PTPRG: variants seen among roughly 807,000 people sequenced by gnomAD.
PTPRG encodes the protein receptor-type tyrosine-protein phosphatase gamma.
PTPRG carries 102 observed loss-of-function variants against 165.3 expected under a neutral mutation model. The ratio of observed to expected loss-of-function variants is 0.62; its 90% CI spans 0.53 to 0.73. The LOEUF is 0.73. Among genes scored for constraint, PTPRG ranks in the 30% least tolerant of loss-of-function variants. PTPRG has a pLI of 0.00. For missense variants in PTPRG, 1,866 were observed against 1,861.4 expected (o/e 1.00, Z -0.05); for synonymous variants, 675 against 669.5 (o/e 1.01, Z -0.13).
chr3:62,106,118 A>G (rs1576009437), intron 5 of PTPRG, among the ~76,000 whole-genome samples: 1 of 152,212 alleles, frequency 6.6e-6, no homozygotes, highest in African/African-American at 2.4e-5. Flanking sequence ...TGTGTCTCCC[A>G]GATAAAACTT....
intron 2 of PTPRG, among the ~76,000 whole-genome samples, chr3:61,785,223 G>C (rs2034658460): frequency 6.6e-6 from 1 of 152,178 alleles, no homozygotes; most frequent in Middle Eastern, 3.2e-3. Flanking sequence ...CTCTTAGGGG[G>C]AGGACAATTC....
chr3:61,700,489 T>C (rs1183799821), intron 1 of PTPRG, among the ~76,000 whole-genome samples: 1 of 152,218 alleles, frequency 6.6e-6, no homozygotes, highest in Non-Finnish European at 1.5e-5. Context: ...TTAAAGGAAA[T>C]TTATAACTAA....
At chr3:61,802,024 CAAAA>C (rs112361163) in intron 2 of PTPRG, among the ~76,000 whole-genome samples, 1 of 112,858 alleles carries the variant, frequency 8.9e-6, no homozygotes, top group Non-Finnish European at 1.8e-5. Context: ...GACTCCATCT[CAAAA>C]AAAAAAAAAA....
chr3:61,604,161 T>A (rs1368808444), intron 1 of PTPRG, among the ~76,000 whole-genome samples: 2 of 152,148 alleles, frequency 1.3e-5, no homozygotes, highest in Non-Finnish European at 2.9e-5. Context: ...TTGTCTCTAC[T>A]AAAAATACAA....
intron 1 of PTPRG, among the ~76,000 whole-genome samples, chr3:61,740,368 T>C (rs1575623265): frequency 6.6e-6 from 1 of 152,200 alleles, no homozygotes; most frequent in East Asian, 1.9e-4. Flanking sequence ...ATGGTATTTT[T>C]CAGATTTTCA....
chr3:61,778,445 A>T (rs546464400), intron 2 of PTPRG, among the ~76,000 whole-genome samples: 8 of 152,264 alleles, frequency 5.3e-5, no homozygotes, highest in African/African-American at 1.9e-4. Context: ...TCAATTTTCC[A>T]TCTGCTATGC....
intron 2 of PTPRG, among the ~76,000 whole-genome samples, chr3:61,778,155 A>C (rs1300471856): frequency 6.6e-6 from 1 of 152,190 alleles, no homozygotes. Context: ...ATTGGACAAA[A>C]CGCTCAGAAA....
At position 61,658,164 on chromosome 3, in the gene PTPRG, G is replaced by A. The variant is rs778591563; in HGVS notation, c.86-90714G>A. ...GTCATTGTTCTGGCACATATTTGAC[G>A]GTTTGGTTGTCTTCAAGCTCAGGGG... On this transcript the variant is annotated intron_variant, in intron 1 of 29. Coordinates refer to ENST00000474889, the MANE Select transcript of PTPRG (RefSeq NM_002841.4). Among the ~76,000 whole-genome samples, 136 of 152,182 alleles carry A rather than the reference G, an allele frequency of 8.9e-4. 3 individuals carry two copies. The highest frequency in any genetic ancestry group is 4.4e-4 in the Non-Finnish European group (30 of 68,036).
At chr3:61,950,741 C>T (rs1188419841) in intron 2 of PTPRG, among the ~76,000 whole-genome samples, 2 of 152,144 alleles carry the variant, frequency 1.3e-5, no homozygotes, top group Admixed American at 6.5e-5. Flanking sequence ...AGTATTTTAC[C>T]ATGTTTATGC....
chr3:61,627,166 C>T (rs62244373), intron 1 of PTPRG, among the ~76,000 whole-genome samples: 14,530 of 151,708 alleles, frequency 0.096, 777 homozygotes, highest in Middle Eastern at 0.12. Context: ...GAATTATTGT[C>T]ACTTTTAAGT....
chr3:62,061,879 T>C (rs55750230), intron 4 of PTPRG, among the ~76,000 whole-genome samples: 99,749 of 151,328 alleles, frequency 0.66, 34,242 homozygotes, highest in South Asian at 0.86. Flanking sequence ...ATCTGCCTAC[T>C]TCGGCCTCCC....
chr3:61,943,566 A>G (rs150004613), intron 2 of PTPRG, among the ~76,000 whole-genome samples: 2,450 of 152,356 alleles, frequency 0.016, 38 homozygotes, highest in Middle Eastern at 0.037. Flanking sequence ...CAACAGAGTG[A>G]GACTCTGTCT....
chr3:62,160,370 A>G (rs1704704617), intron 7 of PTPRG, among the ~76,000 whole-genome samples: 1 of 152,240 alleles, frequency 6.6e-6, no homozygotes, highest in Non-Finnish European at 1.5e-5. Flanking sequence ...GATAATCTAG[A>G]TTAAAATACA....
chr3:62,153,782 A>G (rs1704432282), intron 6 of PTPRG, among the ~76,000 whole-genome samples: 2 of 152,194 alleles, frequency 1.3e-5, no homozygotes, highest in South Asian at 2.1e-4. Context: ...TAACTTGCCT[A>G]TGCTCACACA....
intron 2 of PTPRG, among the ~76,000 whole-genome samples, chr3:61,810,476 T>A (rs1281913336): frequency 6.6e-6 from 1 of 152,200 alleles, no homozygotes; most frequent in East Asian, 1.9e-4. Flanking sequence ...TTAGGTGCCC[T>A]GTATAAGCAA....
chr3:61,615,206 A>C (rs4688642), intron 1 of PTPRG, among the ~76,000 whole-genome samples: 149,526 of 152,312 alleles, frequency 0.98, 73,461 homozygotes, highest in East Asian at 1. Flanking sequence ...AATCCTCAGA[A>C]CTCATTCAAA....
intron 16 of PTPRG, among the ~76,000 whole-genome samples, chr3:62,257,607 G>T (rs1486478122): frequency 6.6e-6 from 1 of 152,088 alleles, no homozygotes; most frequent in South Asian, 2.1e-4. Context: ...TAAGACCAGG[G>T]TATCTGACTT....
chr3:61,824,278 G>A (rs945071993), intron 2 of PTPRG, among the ~76,000 whole-genome samples: 2 of 152,210 alleles, frequency 1.3e-5, no homozygotes, highest in Admixed American at 6.5e-5. Flanking sequence ...TGTCATATTT[G>A]TAGATGAATA....
At position 62,222,102 on chromosome 3, in the gene PTPRG, G is replaced by T. The variant is rs904098462; in HGVS notation, c.2288+3119G>T. 2.0e-5 allele frequency among the ~76,000 whole-genome samples: 3 copies of T among 152,204 alleles called. No homozygotes were observed. The highest frequency in any genetic ancestry group is 7.2e-5 in the African/African-American group (3 of 41,460). ...CACATTTGTTGAAAGCCTGCTATGGGCCAAATAGTTGGCAATATCATCACC... is the reference window on the plus strand; with the variant it reads ...CACATTTGTTGAAAGCCTGCTATGGTCCAAATAGTTGGCAATATCATCACC... On this transcript the variant is annotated intron_variant, in intron 13 of 29. Coordinates refer to ENST00000474889, the MANE Select transcript of PTPRG (RefSeq NM_002841.4). The surrounding 1 kb of genome is among the most constrained non-coding windows in gnomAD (Gnocchi z 4.5).
Sources: allele counts gnomAD v4.1 joint callset (sites outside exome capture counted in the v4.1 genomes callset), GRCh38; gene constraint gnomAD v4.1.1; non-coding constraint Gnocchi (gnomAD v3.1); transcripts MANE v1.5; gene names NCBI Gene and HGNC (gene_info 2026-07-23, HGNC 2026-07-21).